PPFIA2: variants seen among roughly 807,000 people sequenced by gnomAD.
PPFIA2 encodes PPFI scaffold protein A2.
PPFIA2 carries 46 observed loss-of-function variants against 175.5 expected under a neutral mutation model. The ratio of observed to expected loss-of-function variants is 0.26; its 90% CI spans 0.21 to 0.34. The LOEUF is 0.34. PPFIA2 is among the 10% of genes least tolerant of loss of function. The pLI is 1.00. For missense variants in PPFIA2, 1,179 were observed against 1,506.1 expected (o/e 0.78, Z 3.60); for synonymous variants, 568 against 511.4 (o/e 1.11, Z -1.49).
intron 4 of PPFIA2, among the ~76,000 whole-genome samples, chr12:81,628,208 C>G (rs573793309): frequency 6.6e-6 from 1 of 151,812 alleles, no homozygotes; most frequent in Non-Finnish European, 1.5e-5. Context: ...TTTAATCAAC[C>G]GAGCACCTCT....
intron 32 of PPFIA2, chr12:81,260,818 A>G (rs893229009): frequency 1.1e-4 from 16 of 152,198 alleles, no homozygotes; most frequent in African/African-American, 3.6e-4. Flanking sequence ...TGTTCTAAAT[A>G]TCGCTCTTAA....
intron 4 of PPFIA2, among the ~76,000 whole-genome samples, chr12:81,519,624 A>G (rs548711198): frequency 1.3e-5 from 2 of 152,322 alleles, no homozygotes; most frequent in South Asian, 4.1e-4. Context: ...ACAATATATC[A>G]AATGGCATGG....
Position 81,478,398 on chromosome 12 carries a change from G to A in PPFIA2, c.304-20532C>T, listed in dbSNP as rs538702626. On this transcript the variant is annotated intron_variant, in intron 4 of 32. Transcript: ENST00000549396. ...CATTGATTTTTTTGAAGGATTTTAC[G>A]TCTCTATCCCTTCAGATCTGCTCTG... Among the ~76,000 whole-genome samples the A allele has an allele frequency of 3.9e-4, 59 of 151,874 alleles. No homozygotes were observed. In the South Asian group the frequency reaches 4.8e-3, roughly 12 times the overall value.
chr12:81,380,416 T>C (rs527339544), intron 9 of PPFIA2, among the ~76,000 whole-genome samples: 1 of 152,184 alleles, frequency 6.6e-6, no homozygotes, highest in East Asian at 1.9e-4. Flanking sequence ...GAAAAGAAAC[T>C]TGCAATCCAG....
intron 3 of PPFIA2, among the ~76,000 whole-genome samples, chr12:81,683,431 C>T (rs2073984619): frequency 1.3e-5 from 2 of 151,880 alleles, no homozygotes; most frequent in South Asian, 4.1e-4. Context: ...CACATAGTAG[C>T]CCAACTATCC....
chr12:81,450,403 T>C (rs2052311243), intron 5 of PPFIA2, among the ~76,000 whole-genome samples: 1 of 152,238 alleles, frequency 6.6e-6, no homozygotes. Context: ...ATGGTGAGCA[T>C]TTTTTCATGT....
intron 3 of PPFIA2, among the ~76,000 whole-genome samples, chr12:81,709,531 CACAT>C (rs1306290161): frequency 1.3e-5 from 2 of 151,984 alleles, no homozygotes; most frequent in African/African-American, 2.4e-5. Context: ...CATACACACA[CACAT>C]AGACTCACAA....
intron 4 of PPFIA2, among the ~76,000 whole-genome samples, chr12:81,604,465 CTT>C (rs1356988969): frequency 6.6e-6 from 1 of 151,464 alleles, no homozygotes; most frequent in Non-Finnish European, 1.5e-5. Context: ...CATTTTCACA[CTT>C]TTGGTTAGTA....
At position 81,263,274 on chromosome 12, in the gene PPFIA2, C is replaced by A. The variant is rs2036221217; in HGVS notation, c.3672G>T (p.Arg1224Ser). 3 of 1,612,072 alleles carry A rather than the reference C, an allele frequency of 1.9e-6. No individual in the cohort carries two copies. Among genetic ancestry groups the A allele is most frequent in the Non-Finnish European group, 2.5e-6 (3 of 1,178,760 alleles). The stretch of plus-strand genomic sequence containing the variant: ...TTGACTGCCCAGAGGTTGTGGTTAA[C>A]CTAAATCCAGCTGGTAATGTTTCTG... The part of the protein sequence containing the change: ...GSSETLPAGF[R>S]LTTTSGQSRK... Residue 1224 changes from arginine (R) to serine (S), a missense_variant, in exon 31 of 33, where the codon AGG becomes AGT. By Grantham distance (110) the Arg-to-Ser change is moderately radical (BLOSUM62 -1). This residue lies in a region of PPFIA2 where 245 missense variants were observed against 375.1 expected (regional missense o/e 0.65). Coordinates refer to ENST00000549396, the MANE Select transcript of PPFIA2 (RefSeq NM_003625.5).
intron 4 of PPFIA2, among the ~76,000 whole-genome samples, chr12:81,493,750 G>C (rs956199091): frequency 3.9e-4 from 36 of 91,896 alleles, no homozygotes; most frequent in African/African-American, 1.3e-3. Context: ...GTGTGTGTGT[G>C]TGTCTATATA....
intron 7 of PPFIA2, among the ~76,000 whole-genome samples, chr12:81,419,265 C>T (rs149429667): frequency 6.6e-6 from 1 of 151,950 alleles, no homozygotes; most frequent in Non-Finnish European, 1.5e-5. Context: ...CAACTACGCT[C>T]TGCCTCAATT....
rs552813929 is a variant in PPFIA2 at position 81,676,551 on chromosome 12, T to C, written c.303+240A>G. The C allele has an allele frequency of 5.9e-5, 17 of 287,776 alleles. No individual in the cohort carries two copies. In the East Asian group the frequency reaches 9.6e-4, roughly 16 times the overall value. 17.8% of individuals were successfully genotyped at this position (287,776 alleles called of 1,614,324 possible). A position where few individuals can be genotyped will look rare whatever the true frequency, so the allele number is the denominator to read the frequency against. ...TACTGAGATATTCTAATAAAGATTT[T>C]ATTCCTATTTTTAAAGCCAATAAAT... On this transcript the variant is annotated intron_variant, in intron 4 of 32. Transcript: ENST00000549396.
Position 81,342,299 on chromosome 12 carries a change from G to C in PPFIA2, c.2263-1091C>G, listed in dbSNP as rs180731403. Among the ~76,000 whole-genome samples the C allele has an allele frequency of 2.7e-4, 41 of 152,228 alleles. No homozygotes were observed. The East Asian group carries it at 7.5e-3, about 28-fold the overall frequency. On this transcript the variant is annotated intron_variant, in intron 19 of 32. Coordinates refer to ENST00000549396, the MANE Select transcript of PPFIA2 (RefSeq NM_003625.5). ...ATCGTTGTGTATCACAATATGGAGA[G>C]ATCAGGATTGTAGAAAACACAGCTA...
At chr12:81,616,366 G>C (rs1415891551) in intron 4 of PPFIA2, among the ~76,000 whole-genome samples, 2 of 151,914 alleles carry the variant, frequency 1.3e-5, no homozygotes, top group Non-Finnish European at 2.9e-5. Context: ...CTAATTCCAG[G>C]CCATGTGACC....
At chr12:81,440,136 CA>C in intron 6 of PPFIA2, 90 bp from the exon 7 acceptor site, 1 of 912,678 alleles carries the variant, frequency 1.1e-6, no homozygotes, top group Non-Finnish European at 1.6e-6. Context: ...CAGAGACAGT[CA>C]ATTTGGCAAA....
intron 17 of PPFIA2, 36 bp from the exon 18 acceptor site, chr12:81,347,806 T>A: frequency 6.2e-7 from 1 of 1,601,530 alleles, no homozygotes; most frequent in South Asian, 1.1e-5. Context: ...CCATATATAA[T>A]TTAATATGGA....
intron 28 of PPFIA2, among the ~76,000 whole-genome samples, chr12:81,269,223 AT>A (rs1310787057): frequency 1.3e-5 from 2 of 152,166 alleles, no homozygotes; most frequent in African/African-American, 4.8e-5. Flanking sequence ...AAGGACTAAA[AT>A]TGTCCATAGA....
At chr12:81,586,691 AATTTATATTAT>A (rs1194984225) in intron 4 of PPFIA2, among the ~76,000 whole-genome samples, 1 of 151,784 alleles carries the variant, frequency 6.6e-6, no homozygotes, top group Non-Finnish European at 1.5e-5. Context: ...GCATTCTGAA[AATTTATATTAT>A]ATAAGCACAA....
rs558953718 is a variant in PPFIA2, at chr12:81,656,137, A to T, written c.303+20654T>A. ...TAGTTTCAACCTTTATTTAATTATCATATTTGTTCTCTCTTATCTGTTATT... is the reference window on the plus strand; with the variant it reads ...TAGTTTCAACCTTTATTTAATTATCTTATTTGTTCTCTCTTATCTGTTATT... On this transcript the variant is annotated intron_variant, in intron 4 of 32. Transcript: ENST00000549396. 6.6e-5 allele frequency among the ~76,000 whole-genome samples: 10 copies of T among 151,914 alleles called. No individual in the cohort carries two copies. The East Asian group carries it at 1.9e-3, about 29-fold the overall frequency.
Sources: gnomAD v4.1 joint callset for allele counts (sites outside exome capture counted in the v4.1 genomes callset) on GRCh38, gnomAD v4.1.1 for gene constraint, gnomAD v4.1.1 regional missense constraint, MANE v1.5 for transcripts, NCBI Gene and HGNC (gene_info 2026-07-23, HGNC 2026-07-21) for gene names.